The following RYK variants were observed in gnomAD, a reference collection of about 807,000 sequenced individuals.
RYK encodes the protein inactive tyrosine-protein kinase RYK.
RYK carries 21 observed loss-of-function variants against 70.2 expected under a neutral mutation model. The observed-to-expected ratio is 0.30, with a 90% CI of 0.21 to 0.43. The LOEUF (loss-of-function observed/expected upper bound fraction) is 0.43. RYK is among the 20% of genes least tolerant of loss of function. The pLI is 1.00. For missense variants in RYK, 604 were observed against 753.3 expected, an observed-to-expected ratio of 0.80 and a Z score of 2.32; for synonymous variants, 267 against 278.0, an observed-to-expected ratio of 0.96 and a Z score of 0.39.
At chr3:134,181,342 A>G (rs1218176449) in intron 10 of RYK, 1 of 151,934 alleles carries the variant, frequency 6.6e-6, no homozygotes, top group Non-Finnish European at 1.5e-5. Context: ...TGTTTCCTTC[A>G]CCCTTGGTTG....
intron 1 of RYK, among the ~76,000 whole-genome samples, chr3:134,224,243 G>C (rs1056608787): frequency 6.6e-6 from 1 of 152,166 alleles, no homozygotes; most frequent in African/African-American, 2.4e-5. Context: ...GCAGGGTAAG[G>C]AGTGTGAGTC....
intron 6 of RYK, among the ~76,000 whole-genome samples, chr3:134,196,582 AACACACACACACACACACACAC>A (rs57185535): frequency 3.1e-5 from 4 of 128,394 alleles, no homozygotes; most frequent in Non-Finnish European, 5.2e-5. Flanking sequence ...TCTGAAACAA[AACACACACACACACACACACAC>A]ACACACACAC....
rs1057372396 is a variant in RYK at position 134,193,946 on chromosome 3, T to C, written c.889+1136A>G. Among the ~76,000 whole-genome samples, 6 of 152,188 alleles carry C rather than the reference T, an allele frequency of 3.9e-5. No individual in the cohort carries two copies. The South Asian group carries it at 1.2e-3, about 32-fold the overall frequency. On this transcript the variant is annotated intron_variant, in intron 7 of 14. Transcript: ENST00000623711. The stretch of plus-strand genomic sequence containing the variant: ...GCTCCATGAATGGTACATCATATCC[T>C]TGGGTACGAAATACCTAGGTCCCCT...
In RYK at chr3:134,157,649, G is replaced by C. The variant is rs1251367237; in HGVS notation, c.*504C>G. ...GCCTTTTCTTGTACAAGGCAGACCA[G>C]GTATCTTTTTATGCTGTTTTTCCTT... On this transcript the variant is annotated 3_prime_UTR_variant, in exon 15 of 15. Coordinates refer to ENST00000623711, the MANE Select transcript of RYK (RefSeq NM_002958.4). 1 of 152,336 alleles carries C rather than the reference G, an allele frequency of 6.6e-6. No homozygotes were observed. The highest frequency in any genetic ancestry group is 1.5e-5 in the Non-Finnish European group (1 of 68,016). 9.4% of individuals were successfully genotyped at this position (152,336 alleles called of 1,614,324 possible). A position where few individuals can be genotyped will look rare whatever the true frequency, so the allele number is the denominator to read the frequency against.
At chr3:134,211,385 G>T in intron 3 of RYK, 123 bp downstream of exon 3, 1 of 565,832 alleles carries the variant, frequency 1.8e-6, no homozygotes, top group Non-Finnish European at 3.1e-6. Context: ...ACTTTTCACA[G>T]TACTCATACA....
intron 10 of RYK, chr3:134,179,977 T>C (rs1417443869): frequency 1.6e-4 from 24 of 152,224 alleles, no homozygotes; most frequent in Non-Finnish European, 1.2e-4. Context: ...ATTCTGCCCA[T>C]CTTGTAATGA....
chr3:134,201,014 G>A (rs921804223), intron 6 of RYK, among the ~76,000 whole-genome samples: 7 of 152,298 alleles, frequency 4.6e-5, no homozygotes, highest in African/African-American at 1.4e-4. Flanking sequence ...GCCCTAGCAC[G>A]CATGCAAGCA....
chr3:134,158,105 G>A lies in RYK; in HGVS notation c.*48C>T. 4 of 1,086,468 alleles carry A rather than the reference G, an allele frequency of 3.7e-6. No individual in the cohort carries two copies. The highest frequency in any genetic ancestry group is 5.0e-6 in the Non-Finnish European group (4 of 800,336). 67.3% of individuals were successfully genotyped at this position (1,086,468 alleles called of 1,614,324 possible). A position where few individuals can be genotyped will look rare whatever the true frequency, so the allele number is the denominator to read the frequency against. ...AAAGCATCCCTGACAGGCTTCAAGT[G>A]AGCCCCGACAGGCACCTTCTTCCTG... On this transcript the variant is annotated 3_prime_UTR_variant, in exon 15 of 15. Transcript: ENST00000623711.
intron 13 of RYK, among the ~76,000 whole-genome samples, chr3:134,160,198 C>T (rs1215426452): frequency 6.6e-6 from 1 of 152,168 alleles, no homozygotes; most frequent in Non-Finnish European, 1.5e-5. Flanking sequence ...AAATTCAAAT[C>T]ATTTTGCATC....
At chr3:134,234,081 T>C (rs909312388) in intron 1 of RYK, among the ~76,000 whole-genome samples, 1 of 152,124 alleles carries the variant, frequency 6.6e-6, no homozygotes, top group African/African-American at 2.4e-5. Context: ...CTTTTATTCT[T>C]TTTCTTCTCT....
intron 9 of RYK, among the ~76,000 whole-genome samples, chr3:134,184,585 AC>A: frequency 6.6e-6 from 1 of 152,002 alleles, no homozygotes; most frequent in East Asian, 1.9e-4. Flanking sequence ...ATACAACAAG[AC>A]CCCATCTCTA....
At chr3:134,193,449 G>C (rs765343796) in intron 7 of RYK, among the ~76,000 whole-genome samples, 4 of 152,214 alleles carry the variant, frequency 2.6e-5, no homozygotes, top group Non-Finnish European at 4.4e-5. Flanking sequence ...TCCCAAAGTG[G>C]TGGGATTACT....
intron 13 of RYK, among the ~76,000 whole-genome samples, chr3:134,171,610 T>C (rs1185911945): frequency 6.6e-6 from 1 of 152,216 alleles, no homozygotes; most frequent in Non-Finnish European, 1.5e-5. Context: ...CTCCCGCCTG[T>C]AATCCCAGTG....
Position 134,250,728 on chromosome 3 carries a change from C to A in RYK, c.-74G>T. On this transcript the variant is annotated 5_prime_UTR_variant, in exon 1 of 15. Coordinates refer to ENST00000623711, the MANE Select transcript of RYK (RefSeq NM_002958.4). ...GCCGCCCACCCCCGGCCCCGAGCCGCTCACAGCCCCGAGCCGGGGGCGGCT... is the reference window on the plus strand; with the variant it reads ...GCCGCCCACCCCCGGCCCCGAGCCGATCACAGCCCCGAGCCGGGGGCGGCT... The A allele has an allele frequency of 1.3e-6, 1 of 757,820 alleles. No individual in the cohort carries two copies. Among genetic ancestry groups the A allele is most frequent in the Non-Finnish European group, 1.6e-6 (1 of 623,440 alleles). The allele number at this position is 757,820 out of a possible 1,614,324, so 46.9% of individuals were successfully genotyped here.
At chr3:134,174,848 G>A (rs768633277) in intron 13 of RYK, among the ~76,000 whole-genome samples, 1 of 151,658 alleles carries the variant, frequency 6.6e-6, no homozygotes, top group Non-Finnish European at 1.5e-5. Flanking sequence ...GATGACGGGG[G>A]GATTTACAAA....
At chr3:134,177,024 C>T (rs560661407) in intron 11 of RYK, among the ~76,000 whole-genome samples, 26 of 151,454 alleles carry the variant, frequency 1.7e-4, no homozygotes, top group African/African-American at 2.4e-4. Context: ...CTAGCCTGGG[C>T]GACAGAGCGA....
chr3:134,226,216 C>G (rs79283969), intron 1 of RYK, among the ~76,000 whole-genome samples: 3,095 of 152,112 alleles, frequency 0.02, 42 homozygotes, highest in Non-Finnish European at 0.029. Flanking sequence ...TGAAACATTA[C>G]TACAAATCCT....
intron 5 of RYK, among the ~76,000 whole-genome samples, chr3:134,203,408 GA>G (rs968866907): frequency 2.6e-5 from 4 of 151,326 alleles, no homozygotes; most frequent in South Asian, 2.1e-4. Flanking sequence ...CCAGTTTACA[GA>G]AAAAAAAAAT....
intron 13 of RYK, among the ~76,000 whole-genome samples, chr3:134,163,785 C>T (rs1448402340): frequency 1.3e-5 from 2 of 152,130 alleles, no homozygotes; most frequent in African/African-American, 4.8e-5. Flanking sequence ...ATCAGGTGGT[C>T]CATGGCTAGG....
Sources: gnomAD v4.1 joint callset for allele counts (sites outside exome capture counted in the v4.1 genomes callset) on GRCh38, gnomAD v4.1.1 for gene constraint, MANE v1.5 for transcripts, NCBI Gene and HGNC (gene_info 2026-07-23, HGNC 2026-07-21) for gene names.